The following GFRA1 variants were observed in gnomAD, a reference collection of about 807,000 sequenced individuals.
GFRA1 encodes the protein GDNF family receptor alpha 1.
GFRA1 carries 16 observed loss-of-function variants against 51.6 expected under a neutral mutation model. The ratio of observed to expected loss-of-function variants is 0.31; its 90% CI spans 0.21 to 0.47. The LOEUF is 0.47. GFRA1 is among the 20% of genes least tolerant of loss of function. The pLI, the probability that GFRA1 is intolerant of heterozygous loss-of-function variation, is 1.00. For synonymous variants in GFRA1, 270 were observed against 241.3 expected, an observed-to-expected ratio of 1.12 and a Z score of -1.10; for missense variants, 530 against 594.3, an observed-to-expected ratio of 0.89 and a Z score of 1.13.
chr10:116,198,302 G>A (rs1362601118), intron 5 of GFRA1, among the ~76,000 whole-genome samples: 1 of 152,178 alleles, frequency 6.6e-6, no homozygotes, highest in Non-Finnish European at 1.5e-5. Flanking sequence ...ATAAGCCTCA[G>A]ATAAGGAGCT....
intron 4 of GFRA1, among the ~76,000 whole-genome samples, chr10:116,220,436 A>G (rs1965845466): frequency 6.6e-6 from 1 of 152,230 alleles, no homozygotes; most frequent in Non-Finnish European, 1.5e-5. Flanking sequence ...TCCAAAATTC[A>G]AACTGGATGT....
intron 5 of GFRA1, among the ~76,000 whole-genome samples, chr10:116,172,034 C>T (rs1207448242): frequency 6.6e-6 from 1 of 152,152 alleles, no homozygotes; most frequent in Non-Finnish European, 1.5e-5. Flanking sequence ...TCCCTTGTCC[C>T]TAGAATACAC....
intron 6 of GFRA1, among the ~76,000 whole-genome samples, chr10:116,099,051 A>G (rs1284484263): frequency 6.6e-6 from 1 of 152,218 alleles, no homozygotes; most frequent in African/African-American, 2.4e-5. Flanking sequence ...TCCACGTTTT[A>G]TCACATTTGA....
At chr10:116,238,074 C>G (rs933337887) in intron 4 of GFRA1, among the ~76,000 whole-genome samples, 4 of 152,160 alleles carry the variant, frequency 2.6e-5, no homozygotes, top group African/African-American at 9.7e-5. Flanking sequence ...ACACACGGAG[C>G]CTCGTTTTTA....
At chr10:116,124,061 C>A (rs1459075920) in intron 6 of GFRA1, among the ~76,000 whole-genome samples, 3 of 151,726 alleles carry the variant, frequency 2.0e-5, no homozygotes, top group Non-Finnish European at 4.4e-5. Context: ...TGCACTACCA[C>A]GCCTGGCTAT....
chr10:116,236,220 C>A (rs142387864), intron 4 of GFRA1, among the ~76,000 whole-genome samples: 49 of 152,206 alleles, frequency 3.2e-4, no homozygotes, highest in African/African-American at 1.0e-3. Flanking sequence ...CCAAGGGGGA[C>A]CTGCACTCCC....
chr10:116,151,606 T>C (rs956095090), intron 5 of GFRA1, among the ~76,000 whole-genome samples: 6 of 151,218 alleles, frequency 4.0e-5, no homozygotes, highest in Non-Finnish European at 1.5e-5. Context: ...AATGGGAAAA[T>C]AGAGGGAAGA....
At chr10:116,086,946 T>C (rs979782497) in intron 9 of GFRA1, among the ~76,000 whole-genome samples, 2 of 152,208 alleles carry the variant, frequency 1.3e-5, no homozygotes, top group African/African-American at 4.8e-5. Flanking sequence ...GCTTCCCAAG[T>C]AGCTGGGATT....
At chr10:116,172,804 C>T (rs909081870) in intron 5 of GFRA1, among the ~76,000 whole-genome samples, 1 of 152,176 alleles carries the variant, frequency 6.6e-6, no homozygotes, top group Non-Finnish European at 1.5e-5. Context: ...AGGGTGCCCA[C>T]GCCCCAGCAC....
chr10:116,268,025 G>A (rs148332821), intron 4 of GFRA1, among the ~76,000 whole-genome samples: 13 of 151,916 alleles, frequency 8.6e-5, no homozygotes, highest in African/African-American at 2.9e-4. Flanking sequence ...TGCTTCTCAA[G>A]CTTCATGTAC....
At chr10:116,187,264 T>C (rs931936352) in intron 5 of GFRA1, among the ~76,000 whole-genome samples, 4 of 152,214 alleles carry the variant, frequency 2.6e-5, no homozygotes, top group Admixed American at 2.6e-4. Flanking sequence ...TATTTTTTCA[T>C]TCAAAAATGT....
chr10:116,237,216 T>G (rs1410015731), intron 4 of GFRA1, among the ~76,000 whole-genome samples: 1 of 152,230 alleles, frequency 6.6e-6, no homozygotes, highest in Non-Finnish European at 1.5e-5. Flanking sequence ...CACTTTGAAA[T>G]GTTCACTTAT....
At chr10:116,273,528 C>G (rs1157215487), upstream of GFRA1, 5 of 152,756 alleles carry the variant, frequency 3.3e-5, no homozygotes, top group African/African-American at 1.2e-4. Context: ...CTAAGCTCGC[C>G]CGCCAGGCAG....
In GFRA1 at chr10:116,064,114, C is replaced by G. The variant is rs751159919; in HGVS notation, c.*284G>C. Reference sequence around the variant, plus strand: ...ATGATCATCATCATCATCGAAAACACAGCCCCAGTTTGCTTTACAGCCCAA... The same window carrying G: ...ATGATCATCATCATCATCGAAAACAGAGCCCCAGTTTGCTTTACAGCCCAA... On this transcript the variant is annotated 3_prime_UTR_variant, in exon 11 of 11. Coordinates refer to ENST00000355422, the MANE Select transcript of GFRA1 (RefSeq NM_005264.8). The G allele has an allele frequency of 3.5e-4, 117 of 330,250 alleles. No homozygotes were observed. Among genetic ancestry groups the G allele is most frequent in the Non-Finnish European group, 5.2e-4 (92 of 175,944 alleles). 20.5% of individuals were successfully genotyped at this position (330,250 alleles called of 1,614,324 possible).
chr10:116,248,384 C>G (rs891589051), intron 4 of GFRA1, among the ~76,000 whole-genome samples: 4 of 152,086 alleles, frequency 2.6e-5, no homozygotes, highest in South Asian at 2.1e-4. Flanking sequence ...TTTTCTGGAG[C>G]CTTACAGGGC....
rs187867390 is a variant in GFRA1, at chr10:116,212,935, C to A, written c.419-1290G>T. ...TGGATTCAGGTTCACCCTGCTTATA[C>A]CGCCTCCCACTCACTCCAAAAGTAC... On this transcript the variant is annotated intron_variant, in intron 4 of 10. Transcript: ENST00000355422. Among the ~76,000 whole-genome samples the A allele has an allele frequency of 1.8e-4, 27 of 152,280 alleles. 1 individual carries two copies. In the East Asian group the frequency reaches 5.2e-3, roughly 29 times the overall value.
upstream of GFRA1, among the ~76,000 whole-genome samples, chr10:116,274,332 T>C (rs1195949923): frequency 6.6e-6 from 1 of 152,172 alleles, no homozygotes; most frequent in Non-Finnish European, 1.5e-5. Flanking sequence ...TTGAATCAAA[T>C]CTGCGTGCGC....
chr10:116,149,388 C>T (rs1958969371), intron 5 of GFRA1, among the ~76,000 whole-genome samples: 1 of 152,134 alleles, frequency 6.6e-6, no homozygotes, highest in Non-Finnish European at 1.5e-5. Flanking sequence ...CAAAAGCTCA[C>T]ATTAATAAGA....
In GFRA1 at chr10:116,065,868, A is replaced by G. The variant is rs150001483; in HGVS notation, c.1198-242T>C. ...CCATTTCAAAACGTACTCAATATTA[A>G]TAAGATACTTTACATTCTTTTTATC... is the stretch of plus-strand genomic sequence containing the variant. On this transcript the variant is annotated intron_variant, in intron 9 of 10. Transcript: ENST00000355422. Among the ~76,000 whole-genome samples, 562 of 152,320 alleles carry G rather than the reference A, an allele frequency of 3.7e-3. 5 individuals are homozygous for G. Among genetic ancestry groups the G allele is most frequent in the Non-Finnish European group, 4.2e-3 (288 of 68,038 alleles).
Sources: allele counts gnomAD v4.1 joint callset (sites outside exome capture counted in the v4.1 genomes callset), GRCh38; gene constraint gnomAD v4.1.1; transcripts MANE v1.5; gene names NCBI Gene and HGNC (gene_info 2026-07-23, HGNC 2026-07-21).